The following EPB41 variants were observed in gnomAD, a reference collection of about 807,000 sequenced individuals.
EPB41 encodes protein 4.1.
EPB41 carries 65 observed loss-of-function variants against 108.0 expected under a neutral mutation model. The ratio of observed to expected loss-of-function variants is 0.60; its 90% CI spans 0.49 to 0.74. The LOEUF (loss-of-function observed/expected upper bound fraction) is 0.74. Among genes scored for constraint, EPB41 ranks in the 30% least tolerant of loss-of-function variants. EPB41 has a pLI of 0.00. For missense variants in EPB41, 875 were observed against 1,037.0 expected (o/e 0.84, Z 2.15); for synonymous variants, 336 against 358.9 (o/e 0.94, Z 0.72).
At position 29,118,929 on chromosome 1, in the gene EPB41, G is replaced by A. The variant is rs1671419677; in HGVS notation, c.*2117G>A. On this transcript the variant is annotated 3_prime_UTR_variant, in exon 21 of 21. Transcript: ENST00000343067. The stretch of plus-strand genomic sequence containing the variant: ...AGATGGCCTGTAGGAAGAGCTACCA[G>A]GGCTTCCAGACCTGTGGAACGAAGA... 1 of 152,354 alleles carries A rather than the reference G, an allele frequency of 6.6e-6. No homozygotes were observed. Among genetic ancestry groups the A allele is most frequent in the African/African-American group, 2.4e-5 (1 of 41,460 alleles). The allele number at this position is 152,354 out of a possible 1,614,324, so 9.4% of individuals were successfully genotyped here.
rs151224994 is a variant in EPB41 at position 28,890,695 on chromosome 1, C to T, written c.-8+3485C>T. ...CTAAGCCTTTAATACGCTGCATTAA[C>T]TCATTCAATCCTTACAATCTCATGA... On this transcript the variant is annotated intron_variant, in intron 1 of 16. Coordinates refer to the EPB41 transcript ENST00000347529. Among the ~76,000 whole-genome samples, 7 of 152,338 alleles carry T rather than the reference C, an allele frequency of 4.6e-5. No individual in the cohort carries two copies. The East Asian group carries it at 1.3e-3, about 29-fold the overall frequency.
intron 1 of EPB41, among the ~76,000 whole-genome samples, chr1:28,986,096 T>G (rs2095864337): frequency 6.6e-6 from 1 of 150,828 alleles, no homozygotes; most frequent in Non-Finnish European, 1.5e-5. Context: ...TTTTTTGTTC[T>G]TGCGATAGTT....
rs1295935764 is a variant in EPB41, at chr1:28,900,669, G to C, written c.-8+13459G>C. Among the ~76,000 whole-genome samples, 3 of 152,012 alleles carry C rather than the reference G, an allele frequency of 2.0e-5. No homozygotes were observed. In the South Asian group the frequency reaches 6.2e-4, roughly 32 times the overall value. On this transcript the variant is annotated intron_variant, in intron 1 of 16. Transcript: ENST00000347529. ...TAGTGGGCAAAATGTTACCTCCCGG[G>C]CTGTCCTGAGGCTAAAGAGGGTTTA...
chr1:28,995,575 T>G (rs1250442572), intron 3 of EPB41, among the ~76,000 whole-genome samples: 1 of 152,050 alleles, frequency 6.6e-6, no homozygotes, highest in East Asian at 1.9e-4. Flanking sequence ...CAAAACAAAA[T>G]AAAAACTAGA....
chr1:29,013,844 T>TTG (rs2096542233), intron 5 of EPB41, among the ~76,000 whole-genome samples: 1 of 146,758 alleles, frequency 6.8e-6, no homozygotes, highest in African/African-American at 2.6e-5. Flanking sequence ...GTTTTTTTTT[T>TTG]TTTTTTTTTT....
intron 1 of EPB41, among the ~76,000 whole-genome samples, chr1:28,931,814 G>A (rs1050143809): frequency 7.2e-5 from 11 of 152,004 alleles, no homozygotes; most frequent in South Asian, 6.2e-4. Context: ...GATTACAGGC[G>A]TGAGCCACCG....
intron 1 of EPB41, among the ~76,000 whole-genome samples, chr1:28,970,598 C>T (rs1405982504): frequency 2.0e-5 from 3 of 151,894 alleles, no homozygotes; most frequent in East Asian, 1.9e-4. Flanking sequence ...TTATGTTTTC[C>T]GGGAGAGTTT....
chr1:28,897,585 GAGGGA>G (rs143813468), intron 1 of EPB41, among the ~76,000 whole-genome samples: 9,006 of 123,180 alleles, frequency 0.073, 436 homozygotes, highest in South Asian at 0.12. Flanking sequence ...AAGGGAAGCG[GAGGGA>G]AGGGAAGGGA....
In EPB41 at chr1:28,905,448, G is replaced by T. The variant is rs1418893841; in HGVS notation, c.-8+18238G>T. On this transcript the variant is annotated intron_variant, in intron 1 of 16. Coordinates refer to the EPB41 transcript ENST00000347529. ...GGAGGTGGAGGTTGCAGTGAGCTGA[G>T]ATCACGCCACTGCACTCAGCCTGGG... is the stretch of plus-strand genomic sequence containing the variant. Among the ~76,000 whole-genome samples, 3 of 150,420 alleles carry T rather than the reference G, an allele frequency of 2.0e-5. No homozygotes were observed. The East Asian group carries it at 5.9e-4, about 30-fold the overall frequency.
At chr1:28,890,346 T>C (rs1009469649) in intron 1 of EPB41, among the ~76,000 whole-genome samples, 1 of 152,128 alleles carries the variant, frequency 6.6e-6, no homozygotes, top group African/African-American at 2.4e-5. Flanking sequence ...CTGATTCTGA[T>C]ATTTATTAAA....
At chr1:29,050,207 G>A (rs1475495085) in intron 11 of EPB41, among the ~76,000 whole-genome samples, 1 of 152,202 alleles carries the variant, frequency 6.6e-6, no homozygotes, top group East Asian at 1.9e-4. Context: ...CACAGCCAGA[G>A]CTTTTTATTG....
At chr1:28,996,863 A>AGT (rs1187932353) in intron 3 of EPB41, among the ~76,000 whole-genome samples, 1 of 152,188 alleles carries the variant, frequency 6.6e-6, no homozygotes, top group Non-Finnish European at 1.5e-5. Context: ...GGCCAGGTGC[A>AGT]GTGGCTCATA....
intron 2 of EPB41, among the ~76,000 whole-genome samples, chr1:28,988,850 C>A (rs2095936815): frequency 6.6e-6 from 1 of 151,984 alleles, no homozygotes; most frequent in Non-Finnish European, 1.5e-5. Context: ...CCATGCCTGT[C>A]CATTTACTGT....
chr1:28,928,348 G>T (rs1010842520), intron 1 of EPB41, among the ~76,000 whole-genome samples: 1 of 152,170 alleles, frequency 6.6e-6, no homozygotes, highest in African/African-American at 2.4e-5. Flanking sequence ...TTACCAGCCT[G>T]TGGTTATATC....
chr1:29,026,325 T>C (rs892979749), intron 7 of EPB41, among the ~76,000 whole-genome samples: 3 of 152,174 alleles, frequency 2.0e-5, no homozygotes, highest in Non-Finnish European at 4.4e-5. Context: ...TGTTAGGATA[T>C]TGCGTTAAAA....
intron 2 of EPB41, among the ~76,000 whole-genome samples, chr1:28,988,185 G>A (rs963072398): frequency 2.0e-5 from 3 of 152,160 alleles, no homozygotes; most frequent in African/African-American, 7.2e-5. Flanking sequence ...AGTTGAACTC[G>A]GGAGGCGGAG....
intron 1 of EPB41, among the ~76,000 whole-genome samples, chr1:28,916,795 AT>A (rs758934262): frequency 1.1e-3 from 155 of 144,738 alleles, no homozygotes; most frequent in Admixed American, 1.4e-3. Flanking sequence ...TCTCCCAACA[AT>A]TTTTTTTTTT....
chr1:28,901,620 G>A lies in EPB41; in HGVS notation c.-8+14410G>A, dbSNP rs548462607. The stretch of plus-strand genomic sequence containing the variant: ...GCGATCTTGGCTCACTGCAATCTCC[G>A]CCTCCCAGGTTCAAGGGATTCTCCT... On this transcript the variant is annotated intron_variant, in intron 1 of 16. Transcript: ENST00000347529. Among the ~76,000 whole-genome samples the A allele has an allele frequency of 6.0e-5, 9 of 151,124 alleles. No homozygotes were observed. The East Asian group carries it at 9.8e-4, about 16-fold the overall frequency.
chr1:28,919,796 G>A (rs549144168), intron 1 of EPB41, among the ~76,000 whole-genome samples: 16 of 152,144 alleles, frequency 1.1e-4, no homozygotes, highest in East Asian at 5.8e-4. Context: ...ACATTCTGGC[G>A]TCATGCTTTT....
Sources: allele counts gnomAD v4.1 joint callset (sites outside exome capture counted in the v4.1 genomes callset), GRCh38; gene constraint gnomAD v4.1.1; transcripts MANE v1.5; gene names NCBI Gene and HGNC (gene_info 2026-07-23, HGNC 2026-07-21).